Variants in EXOC2 observed in about 807,000 individuals in gnomAD.
EXOC2 encodes the protein exocyst complex component 2.
Under a neutral mutation model 131.8 loss-of-function variants are expected in EXOC2, and 70 were observed. That is an observed-to-expected ratio of 0.53 (90% CI 0.44 to 0.65). The LOEUF is 0.65. Among genes scored for constraint, EXOC2 ranks in the 30% least tolerant of loss-of-function variants. The pLI is 0.00. For synonymous variants in EXOC2, 411 were observed against 398.4 expected, an observed-to-expected ratio of 1.03 and a Z score of -0.38; for missense variants, 923 against 1,108.6, an observed-to-expected ratio of 0.83 and a Z score of 2.38.
chr6:637,727 AGATT>A lies in EXOC2; in HGVS notation c.88_91del (p.Asn30TrpfsTer9), dbSNP rs1229750643. On this transcript the variant is annotated frameshift_variant, in exon 2 of 28. Transcript: ENST00000230449. LOFTEE classifies it high-confidence loss of function. ...TATGAGGTCGGTGGGGCCAGTCCCCAGATTTTCTCCCCTGATTGTGACCTTCGTC... is the reference window on the plus strand; with the variant it reads ...TATGAGGTCGGTGGGGCCAGTCCCCATTCTCCCCTGATTGTGACCTTCGTC... The A allele has an allele frequency of 1.2e-6, 2 of 1,613,768 alleles. No individual in the cohort carries two copies. Among genetic ancestry groups the A allele is most frequent in the Non-Finnish European group, 1.7e-6 (2 of 1,179,884 alleles).
intron 5 of EXOC2, 88 bp downstream of exon 5, chr6:619,342 G>T: frequency 9.5e-7 from 1 of 1,057,308 alleles, no homozygotes; most frequent in Admixed American, 1.9e-5. Context: ...TGTATGCAGA[G>T]CCAGACCTAA....
chr6:591,819 A>G (rs1150840), intron 11 of EXOC2, among the ~76,000 whole-genome samples: 144,899 of 152,182 alleles, frequency 0.95, 69,074 homozygotes, highest in East Asian at 1. Context: ...ACACCTGCAC[A>G]CAAATAGACC....
In EXOC2 at chr6:617,732, CGAA is replaced by C; in HGVS notation, c.637_639del (p.Phe213del). On this transcript the variant is annotated inframe_deletion, in exon 6 of 28. Transcript: ENST00000230449. Reference sequence around the variant, plus strand: ...TTACCTGAGAGGGCATCCTGTGCTTCGAAGAATGTACTGAGACCGCCTTTCACA... The same window carrying C: ...TTACCTGAGAGGGCATCCTGTGCTTCGAATGTACTGAGACCGCCTTTCACA... The C allele has an allele frequency of 1.2e-6, 2 of 1,612,868 alleles. No individual in the cohort carries two copies. Among genetic ancestry groups the C allele is most frequent in the African/African-American group, 1.3e-5 (1 of 75,006 alleles).
At chr6:548,681 G>A (rs566491701) in intron 22 of EXOC2, among the ~76,000 whole-genome samples, 6 of 152,282 alleles carry the variant, frequency 3.9e-5, no homozygotes, top group East Asian at 3.9e-4. Flanking sequence ...GTGTGTGCAC[G>A]CGTGCATGCA....
intron 23 of EXOC2, among the ~76,000 whole-genome samples, chr6:505,725 G>A (rs945794890): frequency 2.0e-5 from 3 of 152,094 alleles, no homozygotes; most frequent in African/African-American, 7.3e-5. Context: ...TCTCCTATTG[G>A]ACCGTACACT....
intron 11 of EXOC2, among the ~76,000 whole-genome samples, chr6:582,385 A>G (rs902079627): frequency 5.9e-5 from 9 of 152,192 alleles, no homozygotes; most frequent in Non-Finnish European, 1.0e-4. Flanking sequence ...CTCACAGTCT[A>G]CAATAGTGTA....
intron 1 of EXOC2, among the ~76,000 whole-genome samples, chr6:680,683 A>AT (rs916540565): frequency 1.8e-4 from 28 of 152,110 alleles, no homozygotes; most frequent in Admixed American, 3.3e-4. Flanking sequence ...AGTTATATGC[A>AT]TTTTTTTGGG....
intron 10 of EXOC2, among the ~76,000 whole-genome samples, chr6:594,503 G>A (rs1303832015): frequency 6.6e-6 from 1 of 152,160 alleles, no homozygotes; most frequent in African/African-American, 2.4e-5. Flanking sequence ...ACTCTTTTAG[G>A]GACGGTGTTC....
intron 1 of EXOC2, among the ~76,000 whole-genome samples, chr6:658,846 A>C (rs201158011): frequency 6.6e-6 from 1 of 151,382 alleles, no homozygotes; most frequent in East Asian, 1.9e-4. Flanking sequence ...ATTTTTAGTA[A>C]AGACGAGGTT....
chr6:547,077 A>G (rs2127562415), intron 22 of EXOC2, among the ~76,000 whole-genome samples: 1 of 152,346 alleles, frequency 6.6e-6, no homozygotes, highest in South Asian at 2.1e-4. Context: ...ATCTTTCCCT[A>G]TGAAGATTAT....
chr6:618,203 A>G (rs768262107), intron 5 of EXOC2, among the ~76,000 whole-genome samples: 9 of 152,248 alleles, frequency 5.9e-5, no homozygotes, highest in Admixed American at 1.3e-4. Flanking sequence ...CAGATCATCC[A>G]GTGATAGACA....
In EXOC2 at chr6:494,359, T is replaced by C. The variant is rs142218625; in HGVS notation, c.2559+3008A>G. On this transcript the variant is annotated intron_variant, in intron 25 of 27. Coordinates refer to ENST00000230449, the MANE Select transcript of EXOC2 (RefSeq NM_018303.6). ...AGTAACACAGCCTCACATGACCACATGGCTTCCATCCGTCACTCAGTCCTG... is the reference window on the plus strand; with the variant it reads ...AGTAACACAGCCTCACATGACCACACGGCTTCCATCCGTCACTCAGTCCTG... 3.4e-4 allele frequency among the ~76,000 whole-genome samples: 52 copies of C among 152,276 alleles called. 1 individual carries two copies. In the East Asian group the frequency reaches 7.7e-3, roughly 23 times the overall value.
intron 17 of EXOC2, among the ~76,000 whole-genome samples, chr6:559,490 C>T (rs1260180551): frequency 1.3e-5 from 2 of 152,186 alleles, no homozygotes; most frequent in Non-Finnish European, 1.5e-5. Context: ...TCTGGCTAGA[C>T]AATGTCTTGG....
intron 23 of EXOC2, among the ~76,000 whole-genome samples, chr6:504,874 G>A (rs1258226138): frequency 6.6e-6 from 1 of 152,224 alleles, no homozygotes; most frequent in East Asian, 1.9e-4. Context: ...TTACAGGTCA[G>A]TGGGGAGGAG....
intron 4 of EXOC2, among the ~76,000 whole-genome samples, chr6:623,174 C>G (rs1278442160): frequency 6.6e-6 from 1 of 152,202 alleles, no homozygotes; most frequent in Admixed American, 6.5e-5. Flanking sequence ...GCTGGGAGGA[C>G]ACGGGTGGCA....
chr6:504,083 G>C (rs544123660), intron 23 of EXOC2, among the ~76,000 whole-genome samples: 1 of 152,220 alleles, frequency 6.6e-6, no homozygotes, highest in South Asian at 2.1e-4. Flanking sequence ...CAGCTCTGAC[G>C]GCCAACACCG....
Position 559,011 on chromosome 6 carries a change from C to T in EXOC2, c.1852-2447G>A, listed in dbSNP as rs183586915. Among the ~76,000 whole-genome samples, 3 of 152,242 alleles carry T rather than the reference C, an allele frequency of 2.0e-5. No individual in the cohort carries two copies. The East Asian group carries it at 5.8e-4, about 29-fold the overall frequency. The stretch of plus-strand genomic sequence containing the variant: ...AACCGGGAGTAGGTGATAGTCTACA[C>T]ATTCACTATTTCTTTTTTCTCAAAA... On this transcript the variant is annotated intron_variant, in intron 17 of 27. Coordinates refer to ENST00000230449, the MANE Select transcript of EXOC2 (RefSeq NM_018303.6).
At chr6:587,509 G>T (rs931272161) in intron 11 of EXOC2, among the ~76,000 whole-genome samples, 2 of 152,226 alleles carry the variant, frequency 1.3e-5, no homozygotes, top group African/African-American at 2.4e-5. Context: ...CTCCCAAAGT[G>T]CTGGGATTAC....
chr6:621,360 C>G (rs1359157769), intron 4 of EXOC2, among the ~76,000 whole-genome samples: 1 of 152,164 alleles, frequency 6.6e-6, no homozygotes. Flanking sequence ...CTCCTTGCCT[C>G]TCTACACATC....
Sources: allele counts gnomAD v4.1 joint callset (sites outside exome capture counted in the v4.1 genomes callset), GRCh38; gene constraint gnomAD v4.1.1; transcripts MANE v1.5; gene names NCBI Gene and HGNC (gene_info 2026-07-23, HGNC 2026-07-21).